CACNG6: variants seen among roughly 807,000 people sequenced by gnomAD.
CACNG6 encodes the protein calcium voltage-gated channel auxiliary subunit gamma 6, also known as voltage-dependent calcium channel gamma-6 subunit.
Under a neutral mutation model 23.9 loss-of-function variants are expected in CACNG6, and 21 were observed. The ratio of observed to expected loss-of-function variants is 0.88; its 90% CI spans 0.62 to 1.26. The LOEUF is 1.26. Among genes scored for constraint, CACNG6 ranks in the 50% most tolerant of loss-of-function variants. The pLI is 0.00. For synonymous variants in CACNG6, 182 were observed against 168.9 expected, an observed-to-expected ratio of 1.08 and a Z score of -0.60; for missense variants, 340 against 352.9, an observed-to-expected ratio of 0.96 and a Z score of 0.29.
chr19:54,009,459 A>AT (rs1452316828), intron 3 of CACNG6, among the ~76,000 whole-genome samples: 1 of 151,644 alleles, frequency 6.6e-6, no homozygotes, highest in East Asian at 1.9e-4. Flanking sequence ...AAAAAAAAAA[A>AT]AAAAAAAATT....
In CACNG6 at chr19:54,012,341, T is replaced by TTACACG; in HGVS notation, c.*152_*153insTACACG. The TTACACG allele has an allele frequency of 2.2e-6, 1 of 462,534 alleles. No individual in the cohort carries two copies. Among genetic ancestry groups the TTACACG allele is most frequent in the East Asian group, 3.2e-5 (1 of 31,324 alleles). The allele number at this position is 462,534 out of a possible 1,614,324, so 28.7% of individuals were successfully genotyped here. The stretch of plus-strand genomic sequence containing the variant: ...TACACGCCTGCCTCCTGTCCCCTTA[T>TTACACG]CCTTTCTCCCTCTGTAAATACGTTT... On this transcript the variant is annotated 3_prime_UTR_variant, in exon 4 of 4. Transcript: ENST00000252729.
In CACNG6 at chr19:54,001,576, C is replaced by G. The variant is rs545561641; in HGVS notation, c.544+1805C>G. On this transcript the variant is annotated intron_variant, in intron 3 of 3. Coordinates refer to ENST00000252729, the MANE Select transcript of CACNG6 (RefSeq NM_145814.2). Reference sequence around the variant, plus strand: ...TGTGAGTTTAATAATAACGCCAGCACCAAATTCCTACCAAGCTACAAATTC... The same window carrying G: ...TGTGAGTTTAATAATAACGCCAGCAGCAAATTCCTACCAAGCTACAAATTC... Among the ~76,000 whole-genome samples the G allele has an allele frequency of 7.2e-5, 11 of 152,288 alleles. No homozygotes were observed. The South Asian group carries it at 1.7e-3, about 23-fold the overall frequency.
Position 53,993,021 on chromosome 19 carries a change from G to A in CACNG6, c.144G>A (p.Val48=). ...KVKLALLLAA[V]GATLAVLSVG... ...AGCTGGCGCTGCTGCTGGCCGCCGT[G>A]GGCGCCACGCTGGCGGTGCTGTCCG... The change falls in exon 1 of 4, where the codon GTG becomes GTA. Residue 48 remains valine (V), a synonymous_variant. Transcript: ENST00000252729. The A allele has an allele frequency of 6.8e-7, 1 of 1,466,788 alleles. No individual in the cohort carries two copies. Among genetic ancestry groups the A allele is most frequent in the Non-Finnish European group, 9.0e-7 (1 of 1,110,368 alleles). 90.9% of individuals were successfully genotyped at this position (1,466,788 alleles called of 1,614,324 possible).
intron 3 of CACNG6, among the ~76,000 whole-genome samples, chr19:54,001,448 C>T (rs923975283): frequency 3.3e-5 from 5 of 152,156 alleles, no homozygotes; most frequent in African/African-American, 9.7e-5. Context: ...CTTGGCCTCC[C>T]AAAGTGCTGG....
rs1475086965 is a variant in CACNG6, at chr19:53,999,711, G to T, written c.484G>T (p.Val162Leu). The T allele has an allele frequency of 6.2e-7, 1 of 1,613,992 alleles. No homozygotes were observed. Among genetic ancestry groups the T allele is most frequent in the Non-Finnish European group, 8.5e-7 (1 of 1,180,050 alleles). ...CTTGGGGTGCCTCTGTATCATCATG[G>T]TGCTCAGTAAAGGTGCAGAGTTCCT... ...MALGCLCIIM[V>L]LSKGAEFLLR... The change falls in exon 3 of 4, where the codon GTG becomes TTG. Residue 162 changes from valine (V) to leucine (L), a missense_variant. Val to Leu is a conservative substitution (Grantham distance 32). Coordinates refer to ENST00000252729, the MANE Select transcript of CACNG6 (RefSeq NM_145814.2).
chr19:53,993,286 A>C (rs1005743116), intron 1 of CACNG6, 78 bp downstream of exon 1: 1 of 1,397,488 alleles, frequency 7.2e-7, no homozygotes, highest in Non-Finnish European at 9.5e-7. Flanking sequence ...CGAGGAGAAA[A>C]CCCGCCCCAG....
At chr19:54,002,042 C>T (rs2069580468) in intron 3 of CACNG6, among the ~76,000 whole-genome samples, 1 of 151,972 alleles carries the variant, frequency 6.6e-6, no homozygotes, top group African/African-American at 2.4e-5. Flanking sequence ...CCTTCTCTCC[C>T]CTTCCTTCCC....
Position 53,992,592 on chromosome 19 carries a change from C to G in CACNG6, c.-286C>G. On this transcript the variant is annotated 5_prime_UTR_variant, in exon 1 of 4. Transcript: ENST00000252729. This position sits in a 1 kb window ranked among gnomAD's most constrained non-coding sequence, Gnocchi z 4.1. ...CCTCAGGGTGGGGGCCTTGTTTTTCCTCTGGGCCCCGTCTTCTTTGCCAAG... is the reference window on the plus strand; with the variant it reads ...CCTCAGGGTGGGGGCCTTGTTTTTCGTCTGGGCCCCGTCTTCTTTGCCAAG... 3.7e-6 allele frequency: 1 copy of G among 270,630 alleles called. No individual in the cohort carries two copies. Among genetic ancestry groups the G allele is most frequent in the Non-Finnish European group, 6.9e-6 (1 of 145,028 alleles). 16.8% of individuals were successfully genotyped at this position (270,630 alleles called of 1,614,324 possible).
rs79507810 is a variant in CACNG6, at chr19:54,005,751, T to TTAAAATAAAA, written c.544+6030_544+6039dup. On this transcript the variant is annotated intron_variant, in intron 3 of 3. Transcript: ENST00000252729. ...CTGGGCAACAGAGTGAGACTCCCTC[T>TTAAAATAAAA]TAAAATAAAATAAAATAAAATAAAA... 9.8e-4 allele frequency among the ~76,000 whole-genome samples: 139 copies of TTAAAATAAAA among 141,246 alleles called. 1 individual carries two copies. Among genetic ancestry groups the TTAAAATAAAA allele is most frequent in the Middle Eastern group, 3.5e-3 (1 of 284 alleles). 92.7% of individuals were successfully genotyped at this position (141,246 alleles called of 152,430 possible).
chr19:54,011,946 C>T lies in CACNG6; in HGVS notation c.545-5C>T, dbSNP rs1246670503. On this transcript the variant is annotated splice_region_variant and splice_polypyrimidine_tract_variant and intron_variant, in intron 3 of 3. Transcript: ENST00000252729. ...TCTGACTGCGAGCTGTCCTCTCTCC[C>T]GCAGGCCTGCTGCTCTTGGTGAGCC... 8 of 1,495,048 alleles carry T rather than the reference C, an allele frequency of 5.4e-6. No homozygotes were observed. The highest frequency in any genetic ancestry group is 6.2e-6 in the Non-Finnish European group (7 of 1,122,038). 92.6% of individuals were successfully genotyped at this position (1,495,048 alleles called of 1,614,324 possible).
At chr19:54,002,297 T>C (rs2069588003) in intron 3 of CACNG6, among the ~76,000 whole-genome samples, 1 of 145,700 alleles carries the variant, frequency 6.9e-6, no homozygotes. Context: ...TTTTTTTTTT[T>C]TGTAGAGATA....
In CACNG6 at chr19:53,992,885, G is replaced by T. The variant is rs771562119; in HGVS notation, c.8G>T (p.Trp3Leu). 1 of 1,403,044 alleles carries T rather than the reference G, an allele frequency of 7.1e-7. No individual in the cohort carries two copies. Among genetic ancestry groups the T allele is most frequent in the Middle Eastern group, 1.9e-4 (1 of 5,216 alleles). 86.9% of individuals were successfully genotyped at this position (1,403,044 alleles called of 1,614,324 possible). The change falls in exon 1 of 4, where the codon TGG (tryptophan) becomes TTG (leucine). Residue 3 changes from tryptophan (W) to leucine (L), a missense_variant. Physicochemically the swap from Trp to Leu is moderately conservative, Grantham distance 61 (BLOSUM62 -2). Coordinates refer to ENST00000252729, the MANE Select transcript of CACNG6 (RefSeq NM_145814.2). This position sits in a 1 kb window ranked among gnomAD's most constrained non-coding sequence, Gnocchi z 4.1. The part of the protein sequence containing the change: MM[W>L]SNFFLQEENR... ...GACCCCACCGGCCATAAGATGATGT[G>T]GTCCAACTTCTTCCTGCAAGAGGAG...
At position 53,999,695 on chromosome 19, in the gene CACNG6, C is replaced by A. The variant is rs1392597613; in HGVS notation, c.468C>A (p.Cys156Ter). The stretch of plus-strand genomic sequence containing the variant: ...GCCTGGCAGTCATGGCCTTGGGGTG[C>A]CTCTGTATCATCATGGTGCTCAGTA... ...VLGLAVMALG[C>*]LCIIMVLSKG... is the part of the protein sequence containing the mutation. The change falls in exon 3 of 4, where the codon TGC (cysteine) becomes TGA (stop). Residue 156 changes from cysteine to a stop codon, truncating the protein, a stop_gained. Transcript: ENST00000252729. LOFTEE classifies it high-confidence loss of function. 6.2e-7 allele frequency: 1 copy of A among 1,613,988 alleles called. No individual in the cohort carries two copies. The highest frequency in any genetic ancestry group is 1.3e-5 in the African/African-American group (1 of 75,034).
chr19:53,998,137 T>C, intron 1 of CACNG6, 102 bp from the exon 2 acceptor site: 1 of 950,298 alleles, frequency 1.1e-6, no homozygotes. Flanking sequence ...GGGATGCTGA[T>C]GTCCAAGTTT....
intron 1 of CACNG6, 118 bp downstream of exon 1, chr19:53,993,326 C>G (rs1436268693): frequency 9.3e-7 from 1 of 1,073,904 alleles, no homozygotes; most frequent in Non-Finnish European, 1.3e-6. Context: ...GAGGAGACAG[C>G]TTGCCTCGCA....
intron 3 of CACNG6, among the ~76,000 whole-genome samples, chr19:54,003,897 G>T (rs529405834): frequency 7.9e-5 from 12 of 151,752 alleles, no homozygotes; most frequent in African/African-American, 2.9e-4. Context: ...TGGCTCTGTC[G>T]CCCAGGCTGA....
rs1268262726 is a variant in CACNG6 at position 54,012,240 on chromosome 19, C to T, written c.*51C>T. The T allele has an allele frequency of 2.5e-6, 2 of 787,106 alleles. No homozygotes were observed. Among genetic ancestry groups the T allele is most frequent in the South Asian group, 2.6e-5 (1 of 38,518 alleles). 48.8% of individuals were successfully genotyped at this position (787,106 alleles called of 1,614,324 possible). On this transcript the variant is annotated 3_prime_UTR_variant, in exon 4 of 4. Transcript: ENST00000252729. ...AACCACCGAGCCCTTTGACCTTCTC[C>T]ATTGTACCCCCAAGATCTTTTTGCC...
At chr19:54,006,097 A>AATAAATAAATAC (rs2145964538) in intron 3 of CACNG6, among the ~76,000 whole-genome samples, 1 of 149,206 alleles carries the variant, frequency 6.7e-6, no homozygotes, top group African/African-American at 2.4e-5. Context: ...TTCAAAAATA[A>AATAAATAAATAC]ATAAATAAAT....
intron 3 of CACNG6, among the ~76,000 whole-genome samples, chr19:54,001,887 C>T (rs530326848): frequency 6.0e-4 from 92 of 152,294 alleles, no homozygotes; most frequent in Non-Finnish European, 1.3e-4. Flanking sequence ...AACTTCTTAA[C>T]AGCCATGTAA....
Sources: allele counts gnomAD v4.1 joint callset (sites outside exome capture counted in the v4.1 genomes callset), GRCh38; gene constraint gnomAD v4.1.1; non-coding constraint Gnocchi (gnomAD v3.1); transcripts MANE v1.5; gene names NCBI Gene and HGNC (gene_info 2026-07-23, HGNC 2026-07-21).